CGNL1: variants seen among roughly 807,000 people sequenced by gnomAD.
CGNL1 encodes cingulin-like protein 1.
A neutral mutation model predicts 141.2 loss-of-function variants in CGNL1; 132 were observed. The observed-to-expected ratio is 0.93, with a 90% confidence interval of 0.81 to 1.08. CGNL1 has a LOEUF of 1.08. Among genes scored for constraint, CGNL1 ranks in the 50% least tolerant of loss-of-function variants. CGNL1 has a pLI of 0.00. For missense variants in CGNL1, 1,870 were observed against 1,588.6 expected, an observed-to-expected ratio of 1.18 and a Z score of -3.01; for synonymous variants, 690 against 622.1, an observed-to-expected ratio of 1.11 and a Z score of -1.63.
chr15:57,535,485 G>A (rs2032210648), intron 14 of CGNL1, among the ~76,000 whole-genome samples: 1 of 152,270 alleles, frequency 6.6e-6, no homozygotes, highest in East Asian at 1.9e-4. Context: ...CTAAAGAAAG[G>A]GTAAGACGTG....
intron 14 of CGNL1, among the ~76,000 whole-genome samples, chr15:57,538,466 C>A (rs1250599922): frequency 6.6e-6 from 1 of 152,064 alleles, no homozygotes; most frequent in African/African-American, 2.4e-5. Flanking sequence ...TAAATAATTC[C>A]TTTTTTTGCC....
chr15:57,542,649 G>A (rs142723815), intron 14 of CGNL1, among the ~76,000 whole-genome samples: 2 of 152,354 alleles, frequency 1.3e-5, no homozygotes, highest in East Asian at 3.9e-4. Flanking sequence ...ATCTAGCAGT[G>A]TCTGAGATAT....
chr15:57,528,598 G>T (rs951037841), intron 12 of CGNL1, 56 bp from the exon 13 acceptor site: 12 of 1,582,712 alleles, frequency 7.6e-6, no homozygotes, highest in East Asian at 4.5e-5. Context: ...TGTCTGTGGA[G>T]GTCTCTATGC....
chr15:57,427,888 G>A (rs1412065439), intron 1 of CGNL1, among the ~76,000 whole-genome samples: 2 of 152,166 alleles, frequency 1.3e-5, no homozygotes, highest in Non-Finnish European at 2.9e-5. Context: ...TGAGGCTGTG[G>A]ATCTGGTTCT....
At chr15:57,398,664 C>T (rs1273687253) in intron 1 of CGNL1, among the ~76,000 whole-genome samples, 1 of 152,176 alleles carries the variant, frequency 6.6e-6, no homozygotes, top group Non-Finnish European at 1.5e-5. Context: ...TGTTGGAAAA[C>T]CAGGCTGGCG....
chr15:57,450,477 A>C (rs1214470252), intron 4 of CGNL1, among the ~76,000 whole-genome samples: 1 of 152,174 alleles, frequency 6.6e-6, no homozygotes, highest in East Asian at 1.9e-4. Context: ...GGGTTTCACC[A>C]CGTTGGCCAG....
intron 1 of CGNL1, among the ~76,000 whole-genome samples, chr15:57,404,060 A>T (rs1044411113): frequency 9.9e-5 from 15 of 152,188 alleles, no homozygotes; most frequent in African/African-American, 3.6e-4. Context: ...GTGCAATTCA[A>T]GGTGTTGATT....
intron 1 of CGNL1, among the ~76,000 whole-genome samples, chr15:57,428,796 G>A (rs1446982747): frequency 6.6e-6 from 1 of 152,152 alleles, no homozygotes. Flanking sequence ...AGGCCGAGGT[G>A]GGTGGATCAT....
At chr15:57,467,779 T>C (rs1420837339) in intron 8 of CGNL1, among the ~76,000 whole-genome samples, 1 of 144,702 alleles carries the variant, frequency 6.9e-6, no homozygotes, top group Non-Finnish European at 1.5e-5. Context: ...AACCTCTGCC[T>C]CCTGGGTTCA....
intron 8 of CGNL1, among the ~76,000 whole-genome samples, chr15:57,505,888 A>C (rs1171374081): frequency 6.6e-6 from 1 of 152,246 alleles, no homozygotes; most frequent in African/African-American, 2.4e-5. Context: ...TTTATAATTC[A>C]GGAGAGACCC....
Position 57,438,776 on chromosome 15 carries a change from C to G in CGNL1, c.777C>G (p.Ala259=), listed in dbSNP as rs1397070395. ...TCACTAGCGGGAGGCCCCTGACTGCCCACAGCCCACATGCCCACCCTGAAA... is the reference window on the plus strand; with the variant it reads ...TCACTAGCGGGAGGCCCCTGACTGCGCACAGCCCACATGCCCACCCTGAAA... ...ALFTSGRPLT[A]HSPHAHPETK... Residue 259 remains alanine (A), a synonymous_variant, in exon 2 of 19, where the codon GCC becomes GCG. Coordinates refer to ENST00000281282, the MANE Select transcript of CGNL1 (RefSeq NM_032866.5). 6.2e-7 allele frequency: 1 copy of G among 1,614,158 alleles called. No individual in the cohort carries two copies. The highest frequency in any genetic ancestry group is 1.7e-5 in the Admixed American group (1 of 60,026).
chr15:57,377,091 C>G (rs1413276381), intron 1 of CGNL1: 1 of 152,270 alleles, frequency 6.6e-6, no homozygotes, highest in African/African-American at 2.4e-5. Flanking sequence ...AGAGAGCCCC[C>G]GCCTCACTCG....
intron 1 of CGNL1, among the ~76,000 whole-genome samples, chr15:57,431,159 G>A (rs1369774890): frequency 6.6e-6 from 1 of 152,156 alleles, no homozygotes; most frequent in Non-Finnish European, 1.5e-5. Context: ...AGCACTCAAT[G>A]TTATAAGTTT....
At chr15:57,479,322 G>A (rs2063696000) in intron 8 of CGNL1, among the ~76,000 whole-genome samples, 1 of 152,200 alleles carries the variant, frequency 6.6e-6, no homozygotes, top group Non-Finnish European at 1.5e-5. Context: ...AGAGGGAAGA[G>A]GCCTGGGGAC....
rs139315217 is a variant in CGNL1 at position 57,545,846 on chromosome 15, T to TG, written c.3609+151dup. The TG allele has an allele frequency of 4.1e-3, 3,151 of 776,382 alleles. 71 individuals are homozygous for TG. The African/African-American group carries it at 0.049, about 12-fold the overall frequency. The allele number at this position is 776,382 out of a possible 1,614,324, so 48.1% of individuals were successfully genotyped here. A position where few individuals can be genotyped will look rare whatever the true frequency, so the allele number is the denominator to read the frequency against. ...CCACGCACCCAGTCACATCATCAAA[T>TG]GGGGGCTTCTTGCCTACGTAATTAG... On this transcript the variant is annotated intron_variant, in intron 17 of 18. Coordinates refer to ENST00000281282, the MANE Select transcript of CGNL1 (RefSeq NM_032866.5).
At position 57,378,372 on chromosome 15, in the gene CGNL1, T is replaced by G. The variant is rs1443446065; in HGVS notation, c.-16+1805T>G. On this transcript the variant is annotated intron_variant, in intron 1 of 18. Coordinates refer to ENST00000281282, the MANE Select transcript of CGNL1 (RefSeq NM_032866.5). ...GGGTGGCCCTCTATGTGTTTTTTTT[T>G]TTTTTTTTTTTTTTTTTTTTTTTTT... is the stretch of plus-strand genomic sequence containing the variant. Among the ~76,000 whole-genome samples, 281 of 103,054 alleles carry G rather than the reference T, an allele frequency of 2.7e-3. 2 individuals carry two copies. Among genetic ancestry groups the G allele is most frequent in the African/African-American group, 0.01 (270 of 25,804 alleles). The allele number at this position is 103,054 out of a possible 152,430, so 67.6% of individuals were successfully genotyped here.
chr15:57,543,043 C>G (rs542180325), intron 14 of CGNL1, among the ~76,000 whole-genome samples: 2 of 152,192 alleles, frequency 1.3e-5, no homozygotes, highest in Non-Finnish European at 2.9e-5. Context: ...CTTAAAACAA[C>G]AGAAATCTAT....
At chr15:57,480,751 G>C (rs28523564) in intron 8 of CGNL1, among the ~76,000 whole-genome samples, 2,438 of 152,106 alleles carry the variant, frequency 0.016, 67 homozygotes, top group African/African-American at 0.056. Flanking sequence ...TGTATGCTCT[G>C]GCTGAGAATT....
At chr15:57,378,961 C>T (rs547263591) in intron 1 of CGNL1, among the ~76,000 whole-genome samples, 15 of 152,196 alleles carry the variant, frequency 9.9e-5, no homozygotes, top group Non-Finnish European at 1.8e-4. Flanking sequence ...TTACATGCAG[C>T]GCATTGTCTT....
Sources: gnomAD v4.1 joint callset for allele counts (sites outside exome capture counted in the v4.1 genomes callset) on GRCh38, gnomAD v4.1.1 for gene constraint, MANE v1.5 for transcripts, NCBI Gene and HGNC (gene_info 2026-07-23, HGNC 2026-07-21) for gene names.